CCSER1: variants seen among roughly 807,000 people sequenced by gnomAD.
CCSER1 encodes the protein coiled-coil serine rich protein 1.
CCSER1 carries 41 observed loss-of-function variants against 82.0 expected under a neutral mutation model. The ratio of observed to expected loss-of-function variants is 0.50; its 90% CI spans 0.39 to 0.65. The LOEUF (loss-of-function observed/expected upper bound fraction) is 0.65, where lower values mean the gene tolerates loss of function less well. Among genes scored for constraint, CCSER1 ranks in the 30% least tolerant of loss-of-function variants. The probability of loss-of-function intolerance (pLI) is 0.00; values close to 1 mark genes in which losing one functional copy is unlikely to be tolerated. For synonymous variants in CCSER1, 414 were observed against 383.9 expected, an observed-to-expected ratio of 1.08 and a Z score of -0.92; for missense variants, 1,119 against 1,064.2, an observed-to-expected ratio of 1.05 and a Z score of -0.72.
At chr4:90,649,966 C>G (rs956203955) in intron 6 of CCSER1, among the ~76,000 whole-genome samples, 3 of 152,044 alleles carry the variant, frequency 2.0e-5, no homozygotes, top group Non-Finnish European at 2.9e-5. Context: ...CCTGTAATCC[C>G]AGCACTTTGG....
chr4:90,435,252 A>G (rs1758838950), intron 4 of CCSER1, among the ~76,000 whole-genome samples: 1 of 151,830 alleles, frequency 6.6e-6, no homozygotes, highest in African/African-American at 2.4e-5. Flanking sequence ...AGACTTTTTA[A>G]AGCTTCTGTT....
intron 9 of CCSER1, among the ~76,000 whole-genome samples, chr4:90,948,532 T>G (rs1022018963): frequency 3.3e-5 from 5 of 151,948 alleles, no homozygotes; most frequent in African/African-American, 1.2e-4. Context: ...AGGCCATGTT[T>G]TATTGTCACA....
intron 5 of CCSER1, among the ~76,000 whole-genome samples, chr4:90,582,417 CTATTA>C (rs199927218): frequency 0.01 from 1,529 of 152,240 alleles, 21 homozygotes; most frequent in African/African-American, 0.034. Flanking sequence ...TCTTTACCTA[CTATTA>C]TATTAATAAC....
intron 1 of CCSER1, among the ~76,000 whole-genome samples, chr4:90,235,730 A>C (rs1317043055): frequency 3.3e-5 from 5 of 152,138 alleles, no homozygotes; most frequent in Admixed American, 3.3e-4. Flanking sequence ...AGAGTTCAAA[A>C]ATTCAGGTCT....
intron 10 of CCSER1, among the ~76,000 whole-genome samples, chr4:91,591,003 T>C (rs550036572): frequency 6.6e-6 from 1 of 152,222 alleles, no homozygotes; most frequent in South Asian, 2.1e-4. Context: ...AGGGCAGTGG[T>C]TCTCAACTGG....
At chr4:90,745,441 G>A (rs1160601896) in intron 7 of CCSER1, among the ~76,000 whole-genome samples, 1 of 152,120 alleles carries the variant, frequency 6.6e-6, no homozygotes, top group African/African-American at 2.4e-5. Flanking sequence ...CCTTTGCCAT[G>A]GATATCTGTC....
chr4:91,199,141 G>A (rs1473056858), intron 10 of CCSER1, among the ~76,000 whole-genome samples: 1 of 152,096 alleles, frequency 6.6e-6, no homozygotes, highest in Non-Finnish European at 1.5e-5. Context: ...AATAACAAGT[G>A]TTTATTAGCT....
At chr4:91,413,919 CA>C (rs1753209822) in intron 10 of CCSER1, among the ~76,000 whole-genome samples, 1 of 151,950 alleles carries the variant, frequency 6.6e-6, no homozygotes. Flanking sequence ...AAAAAACTAT[CA>C]ACCAGAAATA....
intron 5 of CCSER1, among the ~76,000 whole-genome samples, chr4:90,521,664 G>A (rs1322272914): frequency 6.6e-6 from 1 of 151,998 alleles, no homozygotes; most frequent in Non-Finnish European, 1.5e-5. Flanking sequence ...TAGAAACACT[G>A]CAGGATTTTT....
chr4:91,584,609 T>C (rs1048809957), intron 10 of CCSER1, among the ~76,000 whole-genome samples: 7 of 151,562 alleles, frequency 4.6e-5, no homozygotes, highest in Non-Finnish European at 1.0e-4. Flanking sequence ...AGTTTTGTTT[T>C]ACATAAATCC....
At chr4:90,912,902 A>G (rs1561350638) in intron 8 of CCSER1, among the ~76,000 whole-genome samples, 1 of 152,232 alleles carries the variant, frequency 6.6e-6, no homozygotes, top group African/African-American at 2.4e-5. Context: ...TGGAAGATCA[A>G]ATGAACGAAA....
At chr4:91,511,292 C>G (rs1383319084) in intron 10 of CCSER1, among the ~76,000 whole-genome samples, 1 of 151,920 alleles carries the variant, frequency 6.6e-6, no homozygotes, top group Non-Finnish European at 1.5e-5. Flanking sequence ...CTTAGACTTG[C>G]CTTGGCTATT....
chr4:90,334,959 G>A (rs1177127807), intron 3 of CCSER1, among the ~76,000 whole-genome samples: 1 of 152,134 alleles, frequency 6.6e-6, no homozygotes, highest in Non-Finnish European at 1.5e-5. Context: ...ATAGGGTAGT[G>A]TGAAAGGTGA....
At chr4:90,713,690 G>T (rs539374363) in intron 6 of CCSER1, among the ~76,000 whole-genome samples, 1 of 151,882 alleles carries the variant, frequency 6.6e-6, no homozygotes, top group South Asian at 2.1e-4. Context: ...ATGTTGGCCT[G>T]TCTTGCTTGG....
chr4:91,286,234 T>C (rs1471694806), intron 10 of CCSER1, among the ~76,000 whole-genome samples: 1 of 151,840 alleles, frequency 6.6e-6, no homozygotes, highest in Non-Finnish European at 1.5e-5. Context: ...ACTCTCTATC[T>C]TGGAAAGCAC....
intron 4 of CCSER1, among the ~76,000 whole-genome samples, chr4:90,408,774 T>C (rs1375563037): frequency 6.6e-6 from 1 of 152,228 alleles, no homozygotes; most frequent in Non-Finnish European, 1.5e-5. Context: ...GGAACAAAGC[T>C]GGACGGACAA....
chr4:90,853,640 T>C (rs962610603), intron 8 of CCSER1, among the ~76,000 whole-genome samples: 16 of 152,294 alleles, frequency 1.1e-4, no homozygotes, highest in African/African-American at 3.1e-4. Flanking sequence ...TTTTATTTAT[T>C]ACAATTAAAA....
intron 10 of CCSER1, among the ~76,000 whole-genome samples, chr4:91,427,459 G>A (rs530366526): frequency 6.6e-6 from 1 of 152,014 alleles, no homozygotes; most frequent in East Asian, 1.9e-4. Flanking sequence ...CAAGGATTCA[G>A]TTTTTCTATC....
At chr4:90,509,580 A>T (rs1188470941) in intron 5 of CCSER1, among the ~76,000 whole-genome samples, 1 of 152,126 alleles carries the variant, frequency 6.6e-6, no homozygotes, top group Admixed American at 6.5e-5. Flanking sequence ...TGAAAGTGTA[A>T]ACCCTTGACT....
Sources: allele counts gnomAD v4.1 joint callset (sites outside exome capture counted in the v4.1 genomes callset), GRCh38; gene constraint gnomAD v4.1.1; transcripts MANE v1.5; gene names NCBI Gene and HGNC (gene_info 2026-07-23, HGNC 2026-07-21).